Variants in LSG1 observed in about 807,000 individuals in gnomAD.
LSG1 encodes large subunit GTPase 1 homolog.
Under a neutral mutation model 82.6 loss-of-function variants are expected in LSG1, and 55 were observed. The observed-to-expected ratio is 0.67, with a 90% CI of 0.54 to 0.83. The LOEUF is 0.83. LSG1 is among the 40% of genes least tolerant of loss of function. LSG1 has a pLI of 0.00. For synonymous variants in LSG1, 272 were observed against 282.5 expected, an observed-to-expected ratio of 0.96 and a Z score of 0.37; for missense variants, 809 against 807.9, an observed-to-expected ratio of 1.00 and a Z score of -0.02.
At position 194,641,509 on chromosome 3, in the gene LSG1, C is replaced by G. The variant is rs1420832102; in HGVS notation, c.*559G>C. ...GACGTGAGCCCCCGCTGTACACTAA[C>G]TGAACCCAAGTCCCTTGTTTAGAGT... On this transcript the variant is annotated 3_prime_UTR_variant, in exon 14 of 14. Transcript: ENST00000265245. The G allele has an allele frequency of 6.6e-6, 1 of 152,378 alleles. No individual in the cohort carries two copies. Among genetic ancestry groups the G allele is most frequent in the Non-Finnish European group, 1.5e-5 (1 of 68,148 alleles). The allele number at this position is 152,378 out of a possible 1,614,324, so 9.4% of individuals were successfully genotyped here.
intron 5 of LSG1, among the ~76,000 whole-genome samples, chr3:194,662,335 GGAAA>G (rs1466629593): frequency 6.6e-6 from 1 of 152,238 alleles, no homozygotes; most frequent in African/African-American, 2.4e-5. Flanking sequence ...AGGGAAAATG[GGAAA>G]GAGTTGCCAT....
At chr3:194,658,380 C>G (rs1718851487) in intron 7 of LSG1, among the ~76,000 whole-genome samples, 3 of 152,182 alleles carry the variant, frequency 2.0e-5, no homozygotes, top group African/African-American at 7.2e-5. Flanking sequence ...CTCCCGACCT[C>G]AGGTGATCTG....
At chr3:194,656,173 C>T (rs1427170477) in intron 7 of LSG1, among the ~76,000 whole-genome samples, 1 of 151,830 alleles carries the variant, frequency 6.6e-6, no homozygotes, top group African/African-American at 2.4e-5. Context: ...AACTAAAGAG[C>T]TTCTGCACAG....
In LSG1 at chr3:194,644,383, AAAATAAATAAATAAAT is replaced by A. The variant is rs71179379; in HGVS notation, c.1797+174_1797+189del. Among the ~76,000 whole-genome samples the A allele has an allele frequency of 2.7e-3, 355 of 132,934 alleles. 10 individuals carry two copies. Among genetic ancestry groups the A allele is most frequent in the African/African-American group, 8.6e-3 (291 of 33,948 alleles). 87.2% of individuals were successfully genotyped at this position (132,934 alleles called of 152,430 possible). On this transcript the variant is annotated intron_variant, in intron 13 of 13. Coordinates refer to ENST00000265245, the MANE Select transcript of LSG1 (RefSeq NM_018385.3). ...GACTCCGTCTCAAAAAAAAAAAATAAAAATAAATAAATAAATAAATAAATAAATAAATAAATAAATA... is the reference window on the plus strand; with the variant it reads ...GACTCCGTCTCAAAAAAAAAAAATAAAAATAAATAAATAAATAAATAAATA...
In LSG1 at chr3:194,650,134, G is replaced by C. The variant is rs1381468350; in HGVS notation, c.1419+747C>G. ...AGGGTTTCGCCATGTTGGCCAGGCT[G>C]GTCTCAAAACCTGGCCTTAAGTGAT... is the stretch of plus-strand genomic sequence containing the variant. On this transcript the variant is annotated intron_variant, in intron 10 of 13. Transcript: ENST00000265245. 2.6e-5 allele frequency among the ~76,000 whole-genome samples: 4 copies of C among 152,154 alleles called. No homozygotes were observed. In the East Asian group the frequency reaches 7.7e-4, roughly 29 times the overall value.
chr3:194,644,500 G>C (rs1158990922), intron 13 of LSG1, 73 bp downstream of exon 13: 3 of 1,127,988 alleles, frequency 2.7e-6, no homozygotes, highest in Non-Finnish European at 3.8e-6. Context: ...TGTGTTTATG[G>C]CATGTGATAC....
chr3:194,649,750 C>T (rs1301713428), intron 10 of LSG1, among the ~76,000 whole-genome samples: 1 of 151,818 alleles, frequency 6.6e-6, no homozygotes, highest in Non-Finnish European at 1.5e-5. Context: ...TAAGCTGTGG[C>T]CTTAAGTGTA....
chr3:194,669,147 A>T (rs1621453), intron 2 of LSG1, among the ~76,000 whole-genome samples: 26 of 152,046 alleles, frequency 1.7e-4, no homozygotes, highest in African/African-American at 6.0e-4. Context: ...TAATAATAAC[A>T]CATTTATTAG....
At chr3:194,645,531 G>GACACACACACACACACAC (rs1718511520) in intron 12 of LSG1, 5 of 35,118 alleles carry the variant, frequency 1.4e-4, no homozygotes, top group Non-Finnish European at 1.6e-4. Context: ...CACACACACA[G>GACACACACACACACACAC]ACAGACACAC....
chr3:194,665,019 C>T (rs1475395760), intron 5 of LSG1, among the ~76,000 whole-genome samples: 1 of 152,230 alleles, frequency 6.6e-6, no homozygotes, highest in African/African-American at 2.4e-5. Context: ...TATGACTCAG[C>T]CCACTGCCTT....
intron 7 of LSG1, among the ~76,000 whole-genome samples, chr3:194,658,354 T>C (rs538302579): frequency 3.9e-5 from 6 of 152,234 alleles, no homozygotes; most frequent in African/African-American, 9.6e-5. Context: ...TCCATGTTGG[T>C]AGGGCTGGTC....
intron 5 of LSG1, among the ~76,000 whole-genome samples, chr3:194,664,791 G>C (rs954235796): frequency 6.6e-6 from 1 of 151,942 alleles, no homozygotes; most frequent in Admixed American, 6.6e-5. Context: ...GTGGTGGTGT[G>C]CGCCTGTAAT....
chr3:194,649,290 G>A (rs369195090), intron 10 of LSG1, among the ~76,000 whole-genome samples: 7 of 152,216 alleles, frequency 4.6e-5, no homozygotes, highest in Non-Finnish European at 7.4e-5. Flanking sequence ...CTGATGCTTC[G>A]TAAAGGGCAG....
intron 5 of LSG1, among the ~76,000 whole-genome samples, chr3:194,661,191 C>T (rs1432066705): frequency 6.6e-6 from 1 of 152,238 alleles, no homozygotes. Context: ...GACACAAACT[C>T]ACAGAGTTGC....
At position 194,672,137 on chromosome 3, in the gene LSG1, CCGG is replaced by C. The variant is rs1333509454; in HGVS notation, c.23_25del (p.Ala8del). The C allele has an allele frequency of 6.2e-7, 1 of 1,605,552 alleles. No individual in the cohort carries two copies. Among genetic ancestry groups the C allele is most frequent in the Non-Finnish European group, 8.5e-7 (1 of 1,179,948 alleles). ...CATAAGGGCCCGTCCCAGCGACCCA[CCGG>C]CCGGGGCTCTCCTCCGGCCCATGGC... On this transcript the variant is annotated inframe_deletion, in exon 1 of 14. Transcript: ENST00000265245.
At chr3:194,671,836 C>T (rs1490395218) in intron 1 of LSG1, 1 of 584,386 alleles carries the variant, frequency 1.7e-6, no homozygotes, top group Non-Finnish European at 3.0e-6. Context: ...CAGATTCTCA[C>T]TCCACGCCTC....
At chr3:194,657,457 A>T (rs1308459528) in intron 7 of LSG1, among the ~76,000 whole-genome samples, 1 of 81,696 alleles carries the variant, frequency 1.2e-5, no homozygotes, top group Non-Finnish European at 2.7e-5. Context: ...TTGCTTAGTA[A>T]GTTTTTTTTT....
intron 11 of LSG1, among the ~76,000 whole-genome samples, chr3:194,648,422 G>C (rs898467557): frequency 2.4e-4 from 36 of 152,152 alleles, no homozygotes; most frequent in Admixed American, 1.9e-3. Flanking sequence ...TCCAGAAAGA[G>C]CCAACACAGC....
chr3:194,664,422 T>C (rs984593938), intron 5 of LSG1, among the ~76,000 whole-genome samples: 4 of 152,198 alleles, frequency 2.6e-5, no homozygotes, highest in African/African-American at 7.2e-5. Context: ...GGTTCATTTA[T>C]GGCATCCTTG....
Sources: gnomAD v4.1 joint callset for allele counts (sites outside exome capture counted in the v4.1 genomes callset) on GRCh38, gnomAD v4.1.1 for gene constraint, MANE v1.5 for transcripts, NCBI Gene and HGNC (gene_info 2026-07-23, HGNC 2026-07-21) for gene names.